The following CACNA1B variants were observed in gnomAD, a reference collection of about 807,000 sequenced individuals.
CACNA1B encodes the protein calcium voltage-gated channel subunit alpha1 B.
A neutral mutation model predicts 247.2 loss-of-function variants in CACNA1B; 70 were observed. The observed-to-expected ratio is 0.28, with a 90% CI of 0.23 to 0.35. CACNA1B has a LOEUF of 0.35. Ranked by LOEUF, CACNA1B falls within the 10% of genes least tolerant of loss-of-function variation. CACNA1B has a pLI of 1.00. For missense variants in CACNA1B, 2,367 were observed against 3,197.4 expected, an observed-to-expected ratio of 0.74 and a Z score of 6.26; for synonymous variants, 1,231 against 1,294.4, an observed-to-expected ratio of 0.95 and a Z score of 1.05.
chr9:137,946,141 A>G (rs1466617777), intron 6 of CACNA1B, among the ~76,000 whole-genome samples: 1 of 152,140 alleles, frequency 6.6e-6, no homozygotes, highest in Non-Finnish European at 1.5e-5. Context: ...TTAAAACAAC[A>G]GTCATTTTAC....
intron 6 of CACNA1B, among the ~76,000 whole-genome samples, chr9:137,923,349 AGTATTCCGTGGCTCCAGGTG>A (rs1564191273): frequency 3.1e-5 from 4 of 129,244 alleles, no homozygotes; most frequent in African/African-American, 9.3e-5. Flanking sequence ...GGTGCCAGGT[AGTATTCCGTGGCTCCAGGTG>A]GTATTCCGTG....
chr9:137,928,741 C>T (rs1052613575), intron 6 of CACNA1B, among the ~76,000 whole-genome samples: 1 of 152,146 alleles, frequency 6.6e-6, no homozygotes, highest in Non-Finnish European at 1.5e-5. Flanking sequence ...TAAGCATTTT[C>T]ATTAACCAAA....
intron 6 of CACNA1B, among the ~76,000 whole-genome samples, chr9:137,928,264 A>AT (rs1298175153): frequency 6.6e-6 from 1 of 151,992 alleles, no homozygotes; most frequent in Non-Finnish European, 1.5e-5. Context: ...CGCCTGGCTA[A>AT]TTTTTTGTAT....
At position 137,986,853 on chromosome 9, in the gene CACNA1B, A is replaced by C; in HGVS notation, c.1973A>C (p.Gln658Pro). The C allele has an allele frequency of 6.2e-7, 1 of 1,612,864 alleles. No individual in the cohort carries two copies. Among genetic ancestry groups the C allele is most frequent in the Non-Finnish European group, 8.5e-7 (1 of 1,178,908 alleles). The change falls in exon 15 of 47, where the codon CAG becomes CCG. Residue 658 changes from glutamine to proline, a missense_variant and splice_region_variant. This residue lies in a region of CACNA1B where 76 missense variants were observed against 191.0 expected (regional missense o/e 0.40). Transcript: ENST00000371372. The surrounding 1 kb of genome is among the most constrained non-coding windows in gnomAD (Gnocchi z 6.0). ...CCTGCCGCCATCCTCACTGTCTTCC[A>C]GGTAAGGCACCTGCTCTGCACATTT... ...TFPAAILTVF[Q>P]ILTGEDWNAV...
chr9:137,981,335 G>A (rs1358859906), intron 12 of CACNA1B, among the ~76,000 whole-genome samples: 1 of 152,074 alleles, frequency 6.6e-6, no homozygotes, highest in Non-Finnish European at 1.5e-5. Flanking sequence ...GCAAGTCCTG[G>A]CTTCCTTTTA....
rs201438204 is a variant in CACNA1B, at chr9:137,882,912, C to T, written c.530+29C>T. 5.0e-6 allele frequency: 8 copies of T among 1,593,708 alleles called. No homozygotes were observed. The highest frequency in any genetic ancestry group is 1.1e-5 in the South Asian group (1 of 90,484). On this transcript the variant is annotated intron_variant, in intron 3 of 46. Coordinates refer to ENST00000371372, the MANE Select transcript of CACNA1B (RefSeq NM_000718.4). This position sits in a 1 kb window ranked among gnomAD's most constrained non-coding sequence, Gnocchi z 4.0. The stretch of plus-strand genomic sequence containing the variant: ...GGCAAGCTGAGGCCAGGAGGCCCAG[C>T]GTGTGAGGCCCGGGCGTGTGCTCTC...
At chr9:137,904,933 T>A (rs1452850253) in intron 3 of CACNA1B, among the ~76,000 whole-genome samples, 1 of 152,210 alleles carries the variant, frequency 6.6e-6, no homozygotes, top group East Asian at 1.9e-4. Flanking sequence ...AAATCCTTCA[T>A]GATAAATGTG....
At chr9:138,104,792 C>T (rs1471935614) in intron 38 of CACNA1B, among the ~76,000 whole-genome samples, 2 of 152,264 alleles carry the variant, frequency 1.3e-5, no homozygotes, top group Non-Finnish European at 2.9e-5. Context: ...TGGCCAGCTC[C>T]TTGCTCCCCA....
rs146210639 is a variant in CACNA1B at position 137,917,743 on chromosome 9, T to C, written c.966+312T>C. On this transcript the variant is annotated intron_variant, in intron 6 of 46. Transcript: ENST00000371372. The surrounding 1 kb of genome is among the most constrained non-coding windows in gnomAD (Gnocchi z 5.5). ...CCAGAGGAGATGCTGCTGTTTCTGT[T>C]GGCAAGGACGATAGTAGCACTGCTA... Among the ~76,000 whole-genome samples the C allele has an allele frequency of 2.9e-3, 438 of 152,340 alleles. 2 individuals are homozygous for C. Among genetic ancestry groups the C allele is most frequent in the Middle Eastern group, 0.01 (3 of 294 alleles).
At position 137,917,626 on chromosome 9, in the gene CACNA1B, C is replaced by T. The variant is rs1484508127; in HGVS notation, c.966+195C>T. On this transcript the variant is annotated intron_variant, in intron 6 of 46. Coordinates refer to ENST00000371372, the MANE Select transcript of CACNA1B (RefSeq NM_000718.4). The surrounding 1 kb of genome is among the most constrained non-coding windows in gnomAD (Gnocchi z 5.5). ...CCCAAGGGTCCACCACAGGCAGCCT[C>T]AGCTCAGACTCCTGAGGTGGGTCCT... Among the ~76,000 whole-genome samples the T allele has an allele frequency of 6.6e-6, 1 of 152,218 alleles. No homozygotes were observed. The highest frequency in any genetic ancestry group is 2.1e-4 in the South Asian group (1 of 4,826).
rs192155209 is a variant in CACNA1B, at chr9:138,122,038, G to A, written c.*39G>A. On this transcript the variant is annotated 3_prime_UTR_variant, in exon 47 of 47. Coordinates refer to ENST00000371372, the MANE Select transcript of CACNA1B (RefSeq NM_000718.4). ...GCTCAGACGCCTGCATGCAGCAGGC[G>A]TGTGTTCCAGTGGATGAGTTTTATC... 86 of 1,527,660 alleles carry A rather than the reference G, an allele frequency of 5.6e-5. 1 individual carries two copies. Among genetic ancestry groups the A allele is most frequent in the South Asian group, 5.9e-5 (5 of 84,430 alleles). 94.6% of individuals were successfully genotyped at this position (1,527,660 alleles called of 1,614,324 possible). A position where few individuals can be genotyped will look rare whatever the true frequency, so the allele number is the denominator to read the frequency against.
chr9:138,069,729 AT>A (rs1564270919), intron 31 of CACNA1B, 28 bp from the exon 32 acceptor site: 1 of 1,587,314 alleles, frequency 6.3e-7, no homozygotes, highest in East Asian at 2.2e-5. Context: ...TAATATGCAA[AT>A]ATCCATCCAT....
intron 18 of CACNA1B, among the ~76,000 whole-genome samples, chr9:138,015,068 C>T (rs1232442911): frequency 6.6e-6 from 1 of 152,088 alleles, no homozygotes; most frequent in African/African-American, 2.4e-5. Context: ...CCCGGGGGAC[C>T]CCTAGGTGTT....
Position 138,023,252 on chromosome 9 carries a change from G to A in CACNA1B, c.2509G>A (p.Glu837Lys). ...RGPVGGKARP[E>K]AAEAPEGVDP... ...GCCCGTGGGAGGCAAAGCCCGACCT[G>A]AGGCTGCGGAGGCCCCCGAGGGCGT... Residue 837 changes from glutamate (E) to lysine (K), a missense_variant, in exon 19 of 47, where the codon GAG (glutamate) becomes AAG (lysine). Transcript: ENST00000371372. 6.6e-7 allele frequency: 1 copy of A among 1,514,610 alleles called. No individual in the cohort carries two copies. The highest frequency in any genetic ancestry group is 1.2e-5 in the South Asian group (1 of 81,346). 93.8% of individuals were successfully genotyped at this position (1,514,610 alleles called of 1,614,324 possible).
chr9:137,896,782 C>T (rs12349387), intron 3 of CACNA1B, among the ~76,000 whole-genome samples: 1,898 of 151,560 alleles, frequency 0.013, 38 homozygotes, highest in African/African-American at 0.043. Flanking sequence ...TTTCAAGTTA[C>T]GCATTCACTT....
At position 138,052,249 on chromosome 9, in the gene CACNA1B, C is replaced by CGTGTGTGCGTGCGTGT. The variant is rs56929123; in HGVS notation, c.3807+68_3807+69insCGTGCGTGTGTGTGTG. 1.4e-6 allele frequency: 1 copy of CGTGTGTGCGTGCGTGT among 728,578 alleles called. No homozygotes were observed. Among genetic ancestry groups the CGTGTGTGCGTGCGTGT allele is most frequent in the African/African-American group, 1.9e-5 (1 of 53,874 alleles). 45.1% of individuals were successfully genotyped at this position (728,578 alleles called of 1,614,324 possible). ...GTGTGTGTGTGCGTGTGTGTGTGTG[C>CGTGTGTGCGTGCGTGT]GTGTGTGTGTGTGTATGCATGCAGT... On this transcript the variant is annotated intron_variant, in intron 25 of 46. Transcript: ENST00000371372. This position sits in a 1 kb window ranked among gnomAD's most constrained non-coding sequence, Gnocchi z 5.1.
intron 3 of CACNA1B, among the ~76,000 whole-genome samples, chr9:137,912,509 T>C (rs1233034170): frequency 1.3e-5 from 2 of 152,206 alleles, no homozygotes; most frequent in East Asian, 3.8e-4. Context: ...GACCGAGGAT[T>C]GACACCATCC....
chr9:138,120,128 G>A (rs1340705900), intron 44 of CACNA1B, 37 bp from the exon 45 acceptor site: 8 of 1,531,796 alleles, frequency 5.2e-6, no homozygotes, highest in Non-Finnish European at 7.1e-6. Flanking sequence ...TGACCCTGGT[G>A]CCTCCCCTAG....
At chr9:137,894,454 A>G (rs897684642) in intron 3 of CACNA1B, among the ~76,000 whole-genome samples, 1 of 151,864 alleles carries the variant, frequency 6.6e-6, no homozygotes, top group African/African-American at 2.4e-5. Context: ...TCGCTCTGTC[A>G]TCCAGGCTGG....
Sources: allele counts gnomAD v4.1 joint callset (sites outside exome capture counted in the v4.1 genomes callset), GRCh38; gene constraint gnomAD v4.1.1; regional missense constraint gnomAD v4.1.1; non-coding constraint Gnocchi (gnomAD v3.1); transcripts MANE v1.5; gene names NCBI Gene and HGNC (gene_info 2026-07-23, HGNC 2026-07-21).